REL: variants seen among roughly 807,000 people sequenced by gnomAD.
REL encodes proto-oncogene c-Rel.
A neutral mutation model predicts 45.9 loss-of-function variants in REL; 15 were observed. The ratio of observed to expected loss-of-function variants is 0.33; its 90% CI spans 0.22 to 0.50. The LOEUF (loss-of-function observed/expected upper bound fraction) is 0.50. Ranked by LOEUF, REL falls within the 20% of genes least tolerant of loss-of-function variation. The probability of loss-of-function intolerance (pLI) is 0.98; values close to 1 mark genes in which losing one functional copy is unlikely to be tolerated. For missense variants in REL, 601 were observed against 715.2 expected (o/e 0.84, Z 1.82); for synonymous variants, 239 against 242.1 (o/e 0.99, Z 0.12).
In REL at chr2:60,925,744, A is replaced by G. The variant is rs1212243078; in HGVS notation, c.*3209A>G. ...ATCTCATAGTTTTGGATTAATTAGCACCAATCAGTTTAAACACTGACTGTT... is the reference window on the plus strand; with the variant it reads ...ATCTCATAGTTTTGGATTAATTAGCGCCAATCAGTTTAAACACTGACTGTT... On this transcript the variant is annotated 3_prime_UTR_variant, in exon 10 of 10. Transcript: ENST00000394479. 5.0e-6 allele frequency: 1 copy of G among 201,498 alleles called. No homozygotes were observed. The highest frequency in any genetic ancestry group is 6.0e-5 in the Admixed American group (1 of 16,642). The allele number at this position is 201,498 out of a possible 1,614,324, so 12.5% of individuals were successfully genotyped here. A position where few individuals can be genotyped will look rare whatever the true frequency, so the allele number is the denominator to read the frequency against.
chr2:60,888,775 A>G (rs928161750), intron 1 of REL, among the ~76,000 whole-genome samples: 3 of 152,208 alleles, frequency 2.0e-5, no homozygotes, highest in Non-Finnish European at 2.9e-5. Context: ...GGAATCATCA[A>G]TGATTCTTTA....
chr2:60,911,885 C>T (rs545915417), intron 4 of REL, among the ~76,000 whole-genome samples: 1 of 150,586 alleles, frequency 6.6e-6, no homozygotes, highest in African/African-American at 2.4e-5. Flanking sequence ...GTAGTCCCAG[C>T]TACTCGGGAG....
chr2:60,913,599 A>C (rs1673879199), intron 4 of REL, among the ~76,000 whole-genome samples: 2 of 151,556 alleles, frequency 1.3e-5, no homozygotes, highest in East Asian at 3.9e-4. Flanking sequence ...CAAACTCTCA[A>C]CTCCTTTATT....
intron 4 of REL, among the ~76,000 whole-genome samples, chr2:60,905,234 A>G (rs572043915): frequency 1.3e-5 from 2 of 152,232 alleles, no homozygotes; most frequent in South Asian, 2.1e-4. Context: ...AGCTGGGACT[A>G]TAGGCACCCG....
intron 3 of REL, chr2:60,898,852 A>G (rs1455654333): frequency 6.6e-6 from 1 of 152,238 alleles, no homozygotes; most frequent in African/African-American, 2.4e-5. Context: ...AAGGGATTGT[A>G]TATCCCCATT....
intron 4 of REL, among the ~76,000 whole-genome samples, chr2:60,911,044 A>T: frequency 6.6e-6 from 1 of 152,288 alleles, no homozygotes; most frequent in Admixed American, 6.5e-5. Context: ...GCATTATCCT[A>T]AATAAGAGAA....
chr2:60,912,226 CT>C, intron 4 of REL, among the ~76,000 whole-genome samples: 1 of 152,016 alleles, frequency 6.6e-6, no homozygotes, highest in Middle Eastern at 3.4e-3. Context: ...CCAGAAGAGA[CT>C]CCAATCACCT....
In REL at chr2:60,921,953, C is replaced by T. The variant is rs1674153027; in HGVS notation, c.1182C>T (p.Asn394=). 3 of 1,613,994 alleles carry T rather than the reference C, an allele frequency of 1.9e-6. No homozygotes were observed. Among genetic ancestry groups the T allele is most frequent in the East Asian group, 4.5e-5 (2 of 44,884 alleles). The change falls in exon 10 of 10, where the codon AAC becomes AAT. Residue 394 remains asparagine, a synonymous_variant. Coordinates refer to ENST00000394479, the MANE Select transcript of REL (RefSeq NM_001291746.2). ...CCACCCCACGCTCAGGCAATACAAA[C>T]CCACTGAGTAGTTTTTCAACAAGGA... ...AHPTPRSGNT[N]PLSSFSTRTL...
chr2:60,923,172 TA>T lies in REL; in HGVS notation c.*638del. The T allele has an allele frequency of 4.9e-6, 1 of 202,584 alleles. No homozygotes were observed. 12.5% of individuals were successfully genotyped at this position (202,584 alleles called of 1,614,324 possible). A position where few individuals can be genotyped will look rare whatever the true frequency, so the allele number is the denominator to read the frequency against. Reference sequence around the variant, plus strand: ...TATGCCATTGAAAAACTTAATTTTTTATTTTTGAGGCCCATGGGCCAAGGTA... The same window carrying T: ...TATGCCATTGAAAAACTTAATTTTTTTTTTTGAGGCCCATGGGCCAAGGTA... On this transcript the variant is annotated 3_prime_UTR_variant, in exon 10 of 10. Transcript: ENST00000394479.
At chr2:60,915,792 TAACA>T (rs1673947008) in intron 4 of REL, among the ~76,000 whole-genome samples, 1 of 152,252 alleles carries the variant, frequency 6.6e-6, no homozygotes. Flanking sequence ...AATACTAATT[TAACA>T]AACTATTATA....
intron 3 of REL, 50 bp downstream of exon 3, chr2:60,894,595 G>A: frequency 7.2e-7 from 1 of 1,382,606 alleles, no homozygotes; most frequent in South Asian, 1.5e-5. Context: ...GACATAGGAT[G>A]TTCTGTTTCT....
chr2:60,918,579 G>A lies in REL; in HGVS notation c.826G>A (p.Asp276Asn). The A allele has an allele frequency of 6.2e-7, 1 of 1,613,598 alleles. No homozygotes were observed. The highest frequency in any genetic ancestry group is 1.1e-5 in the South Asian group (1 of 91,078). The change falls in exon 7 of 10, where the codon GAT (aspartate) becomes AAT (asparagine). Residue 276 changes from aspartate to asparagine, a missense_variant. This residue lies in a region of REL where 241 missense variants were observed against 347.0 expected (regional missense o/e 0.69). Transcript: ENST00000394479. ...PSDQEVSESM[D>N]FRYLPDEKDT... ...TGACCAGGAAGTTAGTGAATCTATG[G>A]ATTTTAGATATCTGCCAGATGAAAA...
intron 4 of REL, among the ~76,000 whole-genome samples, chr2:60,902,786 G>A (rs578098779): frequency 8.6e-5 from 13 of 151,862 alleles, no homozygotes; most frequent in Admixed American, 2.0e-4. Context: ...ACAGGGTCTC[G>A]CCATGTTGCC....
intron 4 of REL, among the ~76,000 whole-genome samples, chr2:60,915,226 C>G (rs1398452694): frequency 6.6e-6 from 1 of 152,202 alleles, no homozygotes; most frequent in African/African-American, 2.4e-5. Context: ...TGTTTTTAAA[C>G]TTACCAGGAA....
intron 1 of REL, among the ~76,000 whole-genome samples, chr2:60,885,697 T>A (rs1558784157): frequency 6.6e-6 from 1 of 152,120 alleles, no homozygotes; most frequent in Non-Finnish European, 1.5e-5. Flanking sequence ...TGAGTAGAGG[T>A]GATATTTGGA....
chr2:60,917,005 A>G lies in REL; in HGVS notation c.523A>G (p.Ile175Val), dbSNP rs768994901. ...TALPPVVSNP[I>V]YDNRAPNTAE... ...TCTTCCTCCTGTTGTCTCGAACCCA[A>G]TTTATGACAACCGTAAGTACTTCAT... The change falls in exon 5 of 10, where the codon ATT becomes GTT. Residue 175 changes from isoleucine (I) to valine (V), a missense_variant. This residue lies in a region of REL where 241 missense variants were observed against 347.0 expected (regional missense o/e 0.69). Transcript: ENST00000394479. The G allele has an allele frequency of 1.2e-6, 2 of 1,612,680 alleles. No homozygotes were observed. Among genetic ancestry groups the G allele is most frequent in the Non-Finnish European group, 1.7e-6 (2 of 1,179,312 alleles).
At chr2:60,893,932 G>A (rs934386471) in intron 2 of REL, among the ~76,000 whole-genome samples, 2 of 152,146 alleles carry the variant, frequency 1.3e-5, no homozygotes, top group African/African-American at 4.8e-5. Context: ...CTTGGGGTAT[G>A]CTTACTGAAC....
chr2:60,902,469 A>G (rs534284591), intron 4 of REL, among the ~76,000 whole-genome samples: 1 of 148,154 alleles, frequency 6.7e-6, no homozygotes, highest in South Asian at 2.1e-4. Context: ...ATCCTATTCT[A>G]CTCCTTCATT....
intron 4 of REL, among the ~76,000 whole-genome samples, chr2:60,907,691 ACTTTT>A (rs749313874): frequency 2.6e-4 from 39 of 151,060 alleles, no homozygotes; most frequent in Admixed American, 4.6e-4. Flanking sequence ...TCATATTTGT[ACTTTT>A]CTTTTTTTTT....
Sources: allele counts gnomAD v4.1 joint callset (sites outside exome capture counted in the v4.1 genomes callset), GRCh38; gene constraint gnomAD v4.1.1; regional missense constraint gnomAD v4.1.1; transcripts MANE v1.5; gene names NCBI Gene and HGNC (gene_info 2026-07-23, HGNC 2026-07-21).